Variants in TBXAS1 observed in about 807,000 individuals in gnomAD.
TBXAS1 encodes the protein thromboxane-A synthase.
Under a neutral mutation model 60.7 loss-of-function variants are expected in TBXAS1, and 48 were observed. The observed-to-expected ratio is 0.79, with a 90% CI of 0.63 to 1.01. The LOEUF is 1.01. Among genes scored for constraint, TBXAS1 ranks in the 50% least tolerant of loss-of-function variants. TBXAS1 has a pLI of 0.00. For synonymous variants in TBXAS1, 287 were observed against 269.7 expected (o/e 1.06, Z -0.63); for missense variants, 685 against 686.3 (o/e 1.00, Z 0.02).
At chr7:139,982,142 T>G (rs1032018235) in intron 9 of TBXAS1, among the ~76,000 whole-genome samples, 1 of 152,274 alleles carries the variant, frequency 6.6e-6, no homozygotes, top group Non-Finnish European at 1.5e-5. Flanking sequence ...TAAATAATTT[T>G]TTAGTGTATC....
At chr7:139,785,700 C>T (rs750026214) in intron 3 of TBXAS1, among the ~76,000 whole-genome samples, 7 of 152,006 alleles carry the variant, frequency 4.6e-5, no homozygotes, top group Non-Finnish European at 1.0e-4. Flanking sequence ...CAGAGATGTT[C>T]GGAGTCACCA....
At chr7:139,812,729 CCTGCGAGAAATGAGCAGTCA>C (rs1798048379) in intron 4 of TBXAS1, among the ~76,000 whole-genome samples, 1 of 152,124 alleles carries the variant, frequency 6.6e-6, no homozygotes. Flanking sequence ...CTGAGAGTTT[CCTGCGAGAAATGAGCAGTCA>C]CTGTACCTCA....
intron 4 of TBXAS1, among the ~76,000 whole-genome samples, chr7:139,921,776 A>T (rs559843022): frequency 2.0e-5 from 3 of 152,346 alleles, no homozygotes; most frequent in Admixed American, 2.0e-4. Context: ...GTCAATAAAC[A>T]TATAGGTTTC....
At chr7:139,918,963 G>T (rs779586491) in intron 4 of TBXAS1, among the ~76,000 whole-genome samples, 7 of 152,026 alleles carry the variant, frequency 4.6e-5, no homozygotes, top group African/African-American at 7.2e-5. Flanking sequence ...TTCATTTTTG[G>T]TATTTTTTTT....
Position 139,936,243 on chromosome 7 carries a change from A to G in TBXAS1, c.386A>G (p.Asp129Gly), listed in dbSNP as rs762755305. ...GCCGACAGCGTTCTGTTTTTACGTGACAAAAGATGGGAAGAGGTCAGAGGT... is the reference window on the plus strand; with the variant it reads ...GCCGACAGCGTTCTGTTTTTACGTGGCAAAAGATGGGAAGAGGTCAGAGGT... ...SVADSVLFLR[D>G]KRWEEVRGAL... The change falls in exon 5 of 13, where the codon GAC becomes GGC. Residue 129 changes from aspartate (D) to glycine (G), a missense_variant. Physicochemically the swap from Asp to Gly is moderately conservative, Grantham distance 94. Coordinates refer to ENST00000448866, the MANE Select transcript of TBXAS1 (RefSeq NM_001061.7). 9.9e-6 allele frequency: 16 copies of G among 1,614,088 alleles called. No individual in the cohort carries two copies. In the East Asian group the frequency reaches 2.4e-4, roughly 25 times the overall value.
intron 3 of TBXAS1, among the ~76,000 whole-genome samples, chr7:139,889,686 C>T (rs1453645310): frequency 6.6e-6 from 1 of 152,186 alleles, no homozygotes; most frequent in Non-Finnish European, 1.5e-5. Context: ...GGTGCCTTCT[C>T]ACTGCACCCT....
At chr7:139,985,984 G>T (rs941590757) in intron 9 of TBXAS1, among the ~76,000 whole-genome samples, 1 of 152,256 alleles carries the variant, frequency 6.6e-6, no homozygotes, top group Non-Finnish European at 1.5e-5. Flanking sequence ...TCCAGGTGTG[G>T]CATGAGGTGC....
At chr7:139,800,398 C>A (rs1278628836) in intron 4 of TBXAS1, among the ~76,000 whole-genome samples, 1 of 152,080 alleles carries the variant, frequency 6.6e-6, no homozygotes, top group Admixed American at 6.6e-5. Flanking sequence ...TACCTAATGA[C>A]CCTCCTCCCT....
At chr7:139,894,331 A>G (rs1803906775) in intron 3 of TBXAS1, among the ~76,000 whole-genome samples, 1 of 152,166 alleles carries the variant, frequency 6.6e-6, no homozygotes, top group East Asian at 1.9e-4. Context: ...AGGGCAGGGC[A>G]TGGAGAATCA....
At chr7:139,875,297 G>A (rs766694663) in intron 2 of TBXAS1, among the ~76,000 whole-genome samples, 21 of 152,186 alleles carry the variant, frequency 1.4e-4, no homozygotes, top group Admixed American at 6.5e-5. Flanking sequence ...ATTTCAGAGG[G>A]CAATGTTATA....
At chr7:139,813,733 T>C (rs1005836829) in intron 4 of TBXAS1, among the ~76,000 whole-genome samples, 1 of 152,232 alleles carries the variant, frequency 6.6e-6, no homozygotes, top group Admixed American at 6.5e-5. Flanking sequence ...TTTGTAACTA[T>C]GTTAAGCATT....
rs10238815 is a variant in TBXAS1, at chr7:139,982,901, A to G, written c.1134+20668A>G. ...CATTTGTGGCCAAACTCGAAATAAA[A>G]CTTAGGTCCCCCAACTCCCAACCCT... is the stretch of plus-strand genomic sequence containing the variant. On this transcript the variant is annotated intron_variant, in intron 9 of 12. Coordinates refer to ENST00000448866, the MANE Select transcript of TBXAS1 (RefSeq NM_001061.7). Among the ~76,000 whole-genome samples the G allele has an allele frequency of 5.0e-3, 764 of 152,180 alleles. 7 individuals carry two copies. Among genetic ancestry groups the G allele is most frequent in the African/African-American group, 0.018 (734 of 41,526 alleles).
At position 139,865,638 on chromosome 7, in the gene TBXAS1, GGAGGAGGAGGAA is replaced by G. The variant is rs1569503742; in HGVS notation, c.90-6585_90-6574del. Among the ~76,000 whole-genome samples the G allele has an allele frequency of 4.9e-4, 44 of 90,252 alleles. 1 individual carries two copies. Among genetic ancestry groups the G allele is most frequent in the Admixed American group, 6.9e-4 (6 of 8,678 alleles). The allele number at this position is 90,252 out of a possible 152,430, so 59.2% of individuals were successfully genotyped here. On this transcript the variant is annotated intron_variant, in intron 1 of 12. Coordinates refer to ENST00000448866, the MANE Select transcript of TBXAS1 (RefSeq NM_001061.7). ...AGGAGGAAGAGGAGGAGGAGGAAGAGGAGGAGGAGGAAGAGGAGGAGGAGGAAGAGGAGGAGG... is the reference window on the plus strand; with the variant it reads ...AGGAGGAAGAGGAGGAGGAGGAAGAGGAGGAGGAGGAGGAAGAGGAGGAGG...
intron 5 of TBXAS1, 150 bp from the exon 6 acceptor site, chr7:139,953,218 T>C (rs556348449): frequency 5.7e-6 from 4 of 697,766 alleles, no homozygotes; most frequent in South Asian, 4.8e-5. Context: ...AATTTTAGGA[T>C]CTTCTTCTTG....
At chr7:139,849,893 C>T (rs1244396965) in intron 1 of TBXAS1, among the ~76,000 whole-genome samples, 1 of 152,150 alleles carries the variant, frequency 6.6e-6, no homozygotes, top group African/African-American at 2.4e-5. Flanking sequence ...CTATGCTGGG[C>T]AGTAAATTTA....
At chr7:139,905,005 CTCTTTCTTTCTT>C (rs775007248) in intron 3 of TBXAS1, among the ~76,000 whole-genome samples, 1,140 of 90,396 alleles carry the variant, frequency 0.013, 12 homozygotes, top group Middle Eastern at 0.06. Flanking sequence ...CTCTCTTTCT[CTCTTTCTTTCTT>C]TCTTTCTTTC....
At chr7:139,867,045 G>A (rs1275762667) in intron 1 of TBXAS1, among the ~76,000 whole-genome samples, 6 of 152,222 alleles carry the variant, frequency 3.9e-5, no homozygotes, top group Non-Finnish European at 1.5e-5. Context: ...ATGTGGCCAT[G>A]ATGTTTAATG....
At chr7:139,986,791 G>A (rs1454150696) in intron 9 of TBXAS1, among the ~76,000 whole-genome samples, 2,169 of 42,294 alleles carry the variant, frequency 0.051, 104 homozygotes, top group African/African-American at 0.2. Context: ...GTGTGTGTGT[G>A]TGTGTGTGTA....
intron 9 of TBXAS1, among the ~76,000 whole-genome samples, chr7:139,981,003 A>G (rs1277167428): frequency 1.3e-5 from 2 of 152,216 alleles, no homozygotes; most frequent in Non-Finnish European, 2.9e-5. Flanking sequence ...TCCCTTCAAA[A>G]GAATGATAAT....
Sources: allele counts gnomAD v4.1 joint callset (sites outside exome capture counted in the v4.1 genomes callset), GRCh38; gene constraint gnomAD v4.1.1; transcripts MANE v1.5; gene names NCBI Gene and HGNC (gene_info 2026-07-23, HGNC 2026-07-21).